AMPH: variants seen among roughly 807,000 people sequenced by gnomAD.
The protein encoded by AMPH is amphiphysin, also known as amphiphysin (Stiff-Mann syndrome with breast cancer 128kD autoantigen).
Under a neutral mutation model 99.1 loss-of-function variants are expected in AMPH, and 49 were observed. The observed-to-expected ratio is 0.49, with a 90% confidence interval of 0.39 to 0.63. The LOEUF (loss-of-function observed/expected upper bound fraction) is 0.63, where lower values mean the gene tolerates loss of function less well. AMPH is among the 20% of genes least tolerant of loss of function. AMPH has a pLI of 0.00. For synonymous variants in AMPH, 314 were observed against 317.3 expected, an observed-to-expected ratio of 0.99 and a Z score of 0.11; for missense variants, 759 against 863.4, an observed-to-expected ratio of 0.88 and a Z score of 1.52.
chr7:38,469,513 G>T (rs1368998906), intron 7 of AMPH, among the ~76,000 whole-genome samples: 1 of 152,178 alleles, frequency 6.6e-6, no homozygotes, highest in Non-Finnish European at 1.5e-5. Context: ...TGCAGTGGAG[G>T]AGGCAACCCT....
At position 38,384,810 on chromosome 7, in the gene AMPH, T is replaced by C; in HGVS notation, c.*8A>G. 1 of 1,612,416 alleles carries C rather than the reference T, an allele frequency of 6.2e-7. No homozygotes were observed. The highest frequency in any genetic ancestry group is 1.1e-5 in the South Asian group (1 of 91,028). On this transcript the variant is annotated 3_prime_UTR_variant, in exon 21 of 21. Transcript: ENST00000356264. ...GTAACTGAGCTCCTTCTTGCAGTACTTGTTGCCCTAATCTAAGCGTCGGGT... is the reference window on the plus strand; with the variant it reads ...GTAACTGAGCTCCTTCTTGCAGTACCTGTTGCCCTAATCTAAGCGTCGGGT...
At chr7:38,511,703 C>T (rs558175046) in intron 2 of AMPH, among the ~76,000 whole-genome samples, 4 of 152,252 alleles carry the variant, frequency 2.6e-5, no homozygotes, top group South Asian at 2.1e-4. Context: ...ATATACAAAA[C>T]GCTTTCTAAA....
At chr7:38,592,372 T>C (rs574572583) in intron 1 of AMPH, among the ~76,000 whole-genome samples, 67 of 152,168 alleles carry the variant, frequency 4.4e-4, no homozygotes, top group Non-Finnish European at 7.5e-4. Flanking sequence ...ACAGCTACCA[T>C]GGCCCCTTCT....
chr7:38,458,625 T>G (rs1462903336), intron 11 of AMPH, among the ~76,000 whole-genome samples: 3 of 152,114 alleles, frequency 2.0e-5, no homozygotes, highest in Non-Finnish European at 4.4e-5. Context: ...ATTATCTCAA[T>G]AGATTGAGAA....
chr7:38,477,864 T>C (rs915678025), intron 5 of AMPH, among the ~76,000 whole-genome samples: 5 of 151,876 alleles, frequency 3.3e-5, no homozygotes, highest in African/African-American at 7.3e-5. Context: ...CTCTAGATTT[T>C]AGGCAAAAAT....
chr7:38,422,324 C>T, intron 16 of AMPH, 97 bp downstream of exon 16: 1 of 991,102 alleles, frequency 1.0e-6, no homozygotes, highest in Non-Finnish European at 1.5e-6. Flanking sequence ...AAACCACATT[C>T]TGGATATTCA....
chr7:38,398,182 C>CAA (rs33972156), intron 17 of AMPH, among the ~76,000 whole-genome samples: 8,272 of 114,476 alleles, frequency 0.072, 308 homozygotes, highest in African/African-American at 0.096. Context: ...GGTATATACT[C>CAA]AAAAAAAAAA....
At chr7:38,422,313 G>A (rs1486986348) in intron 16 of AMPH, 108 bp downstream of exon 16, 3 of 914,316 alleles carry the variant, frequency 3.3e-6, no homozygotes, top group Non-Finnish European at 3.4e-6. Flanking sequence ...ACAGGATCCA[G>A]AAACCACATT....
At chr7:38,513,857 T>G (rs2129031369) in intron 2 of AMPH, among the ~76,000 whole-genome samples, 1 of 152,356 alleles carries the variant, frequency 6.6e-6, no homozygotes, top group Middle Eastern at 3.4e-3. Context: ...CTTCCCTTTG[T>G]CTGATGAATC....
intron 11 of AMPH, among the ~76,000 whole-genome samples, chr7:38,459,322 A>G (rs780151029): frequency 6.6e-5 from 10 of 152,112 alleles, no homozygotes; most frequent in Non-Finnish European, 1.5e-4. Context: ...TACCAACAAC[A>G]TTTTCAGCAG....
intron 11 of AMPH, among the ~76,000 whole-genome samples, 178 bp from the exon 12 acceptor site, chr7:38,436,566 G>A (rs1786275467): frequency 6.6e-6 from 1 of 152,168 alleles, no homozygotes; most frequent in African/African-American, 2.4e-5. Flanking sequence ...GCAGTGAGAA[G>A]GAAATAACTA....
intron 3 of AMPH, among the ~76,000 whole-genome samples, chr7:38,502,823 A>G (rs894579513): frequency 5.3e-5 from 8 of 152,174 alleles, no homozygotes; most frequent in African/African-American, 1.9e-4. Context: ...CCAGTACAAC[A>G]ACATATTTAC....
intron 17 of AMPH, among the ~76,000 whole-genome samples, chr7:38,400,883 T>C (rs1784821852): frequency 6.6e-6 from 1 of 152,244 alleles, no homozygotes; most frequent in Non-Finnish European, 1.5e-5. Flanking sequence ...AAGTAGGTTA[T>C]TGTAACTGAT....
chr7:38,589,628 T>C (rs1054624362), intron 1 of AMPH, among the ~76,000 whole-genome samples: 3 of 152,206 alleles, frequency 2.0e-5, no homozygotes, highest in African/African-American at 7.2e-5. Flanking sequence ...ATACTGTTTC[T>C]GCCCAACCTG....
chr7:38,412,627 T>C (rs1785246824), intron 17 of AMPH, among the ~76,000 whole-genome samples: 1 of 152,244 alleles, frequency 6.6e-6, no homozygotes, highest in East Asian at 1.9e-4. Flanking sequence ...TTTCACTTTA[T>C]TCTTGGCTAA....
chr7:38,604,032 T>C (rs1793346199), intron 1 of AMPH, among the ~76,000 whole-genome samples: 1 of 152,238 alleles, frequency 6.6e-6, no homozygotes, highest in Non-Finnish European at 1.5e-5. Context: ...AGGAGAATTA[T>C]ATCCTATACT....
At chr7:38,465,404 C>T in intron 9 of AMPH, 63 bp downstream of exon 9, 1 of 1,410,630 alleles carries the variant, frequency 7.1e-7, no homozygotes, top group South Asian at 1.2e-5. Flanking sequence ...ACAGGCTGGT[C>T]CACAGATTGA....
intron 17 of AMPH, among the ~76,000 whole-genome samples, chr7:38,395,631 C>T (rs79454225): frequency 0.058 from 8,839 of 152,126 alleles, 358 homozygotes; most frequent in East Asian, 0.19. Context: ...ATAATATATC[C>T]GGGACACATA....
chr7:38,462,436 T>C (rs886335133), intron 10 of AMPH, among the ~76,000 whole-genome samples: 3 of 152,114 alleles, frequency 2.0e-5, no homozygotes, highest in Admixed American at 1.3e-4. Flanking sequence ...AGAATAAAGG[T>C]GGTAGTTTCT....
Sources: gnomAD v4.1 joint callset for allele counts (sites outside exome capture counted in the v4.1 genomes callset) on GRCh38, gnomAD v4.1.1 for gene constraint, MANE v1.5 for transcripts, NCBI Gene and HGNC (gene_info 2026-07-23, HGNC 2026-07-21) for gene names.